Variants in PRDM5 observed in about 807,000 individuals in gnomAD.
PRDM5 encodes the protein PR domain zinc finger protein 5.
Under a neutral mutation model 81.2 loss-of-function variants are expected in PRDM5, and 56 were observed. The ratio of observed to expected loss-of-function variants is 0.69; its 90% CI spans 0.56 to 0.86. The LOEUF (loss-of-function observed/expected upper bound fraction) is 0.86, where lower values mean the gene tolerates loss of function less well. PRDM5 is among the 40% of genes least tolerant of loss of function. The pLI, the probability that PRDM5 is intolerant of heterozygous loss-of-function variation, is 0.00. For synonymous variants in PRDM5, 267 were observed against 256.4 expected, an observed-to-expected ratio of 1.04 and a Z score of -0.39; for missense variants, 697 against 770.1, an observed-to-expected ratio of 0.91 and a Z score of 1.12.
chr4:120,841,109 A>G (rs937435043), intron 3 of PRDM5, among the ~76,000 whole-genome samples: 1 of 152,166 alleles, frequency 6.6e-6, no homozygotes, highest in Non-Finnish European at 1.5e-5. Flanking sequence ...TTCTACGGTG[A>G]CTAAGACTCA....
chr4:120,884,083 A>C (rs781540013), intron 2 of PRDM5, among the ~76,000 whole-genome samples: 2 of 152,192 alleles, frequency 1.3e-5, no homozygotes, highest in Non-Finnish European at 2.9e-5. Flanking sequence ...AAATCTCTTC[A>C]TGACCACATA....
chr4:120,894,587 T>C (rs974982593), intron 2 of PRDM5, among the ~76,000 whole-genome samples: 1 of 152,244 alleles, frequency 6.6e-6, no homozygotes, highest in African/African-American at 2.4e-5. Flanking sequence ...ATCTCAAGTT[T>C]ATCTGTTCTG....
At chr4:120,922,385 G>T in intron 1 of PRDM5, 131 bp downstream of exon 1, 3 of 1,121,948 alleles carry the variant, frequency 2.7e-6, no homozygotes, top group South Asian at 8.8e-5. Context: ...TCCCACGGAC[G>T]CCTGGCCCGG....
At chr4:120,907,442 A>G (rs772006166) in intron 2 of PRDM5, 32 bp downstream of exon 2, 20 of 1,504,640 alleles carry the variant, frequency 1.3e-5, no homozygotes, top group East Asian at 2.3e-5. Flanking sequence ...ATACAAATAT[A>G]TTTTTAACAT....
intron 1 of PRDM5, among the ~76,000 whole-genome samples, chr4:120,913,602 C>A (rs549067609): frequency 6.6e-6 from 1 of 152,318 alleles, no homozygotes; most frequent in African/African-American, 2.4e-5. Context: ...CTGAATGCAA[C>A]ACCTTTCCCC....
chr4:120,745,718 C>A (rs1418912009), intron 14 of PRDM5, among the ~76,000 whole-genome samples: 2 of 141,742 alleles, frequency 1.4e-5, no homozygotes, highest in Non-Finnish European at 3.0e-5. Context: ...AGGAATCCAA[C>A]TTACAAGGGA....
rs1758190438 is a variant in PRDM5, at chr4:120,842,947, T to C, written c.300+10471A>G. 2.6e-5 allele frequency among the ~76,000 whole-genome samples: 4 copies of C among 152,350 alleles called. No homozygotes were observed. In the South Asian group the frequency reaches 8.3e-4, roughly 32 times the overall value. ...AGAATATATGAGCCCCATAAGGCTATAATTTCTAGGGACACAACTTTCTAA... is the reference window on the plus strand; with the variant it reads ...AGAATATATGAGCCCCATAAGGCTACAATTTCTAGGGACACAACTTTCTAA... On this transcript the variant is annotated intron_variant, in intron 3 of 15. Transcript: ENST00000264808.
chr4:120,922,715 G>C lies in PRDM5; in HGVS notation c.-107C>G, dbSNP rs1725130966. 1 of 1,444,974 alleles carries C rather than the reference G, an allele frequency of 6.9e-7. No homozygotes were observed. The highest frequency in any genetic ancestry group is 9.5e-7 in the Non-Finnish European group (1 of 1,056,498). The allele number at this position is 1,444,974 out of a possible 1,614,324, so 89.5% of individuals were successfully genotyped here. On this transcript the variant is annotated 5_prime_UTR_variant, in exon 1 of 16. Transcript: ENST00000264808. ...AGGGTAGAGGGGAGAAACCGGCAGG[G>C]AAGGAGGAAATGGAGTTTTCCTCCC...
chr4:120,810,988 C>T lies in PRDM5; in HGVS notation c.945+382G>A, dbSNP rs73843615. The stretch of plus-strand genomic sequence containing the variant: ...CAGAAACAAAAATTCATTTTACAAA[C>T]CATAACAAAAGTAAAATTTTATTTT... On this transcript the variant is annotated intron_variant, in intron 8 of 15. Coordinates refer to ENST00000264808, the MANE Select transcript of PRDM5 (RefSeq NM_018699.4). 4.1e-3 allele frequency among the ~76,000 whole-genome samples: 628 copies of T among 152,174 alleles called. 8 individuals carry two copies. Among genetic ancestry groups the T allele is most frequent in the African/African-American group, 0.014 (592 of 41,516 alleles).
At chr4:120,862,491 A>G (rs1579028151) in intron 2 of PRDM5, among the ~76,000 whole-genome samples, 1 of 152,220 alleles carries the variant, frequency 6.6e-6, no homozygotes, top group South Asian at 2.1e-4. Context: ...GAAAAGTAAG[A>G]GAGCAGAGAA....
chr4:120,686,893 C>T (rs902412350), intron 1 of PRDM5, among the ~76,000 whole-genome samples: 2 of 151,842 alleles, frequency 1.3e-5, no homozygotes, highest in African/African-American at 4.8e-5. Context: ...CAAAGGAGTA[C>T]TGAAAGAAGG....
intron 10 of PRDM5, among the ~76,000 whole-genome samples, chr4:120,787,452 A>G (rs1276677568): frequency 6.6e-6 from 1 of 152,214 alleles, no homozygotes; most frequent in African/African-American, 2.4e-5. Context: ...TTCACCTGAC[A>G]TTTAACAGGA....
At chr4:120,715,896 G>C (rs910452161) in intron 14 of PRDM5, among the ~76,000 whole-genome samples, 26 of 152,000 alleles carry the variant, frequency 1.7e-4, no homozygotes, top group Non-Finnish European at 3.7e-4. Context: ...TCAAGACCTG[G>C]GCACCAAAGA....
Position 120,811,152 on chromosome 4 carries a change from C to T in PRDM5, c.945+218G>A, listed in dbSNP as rs72921565. Among the ~76,000 whole-genome samples, 649 of 150,658 alleles carry T rather than the reference C, an allele frequency of 4.3e-3. 2 individuals are homozygous for T. The highest frequency in any genetic ancestry group is 0.015 in the African/African-American group (610 of 40,992). ...AAAATATAGTATGAATATATTGGAC[C>T]TTGTCATAACAAGAGCAAAAATTAA... On this transcript the variant is annotated intron_variant, in intron 8 of 15. Transcript: ENST00000264808.
At chr4:120,821,872 G>A (rs1442981671) in intron 3 of PRDM5, among the ~76,000 whole-genome samples, 5 of 151,394 alleles carry the variant, frequency 3.3e-5, no homozygotes, top group African/African-American at 1.2e-4. Flanking sequence ...GAAGTTCAAG[G>A]TGTTGATGGA....
rs1345023827 is a variant in PRDM5 at position 120,696,015 on chromosome 4, T to C, written c.1729-740A>G. 2.0e-5 allele frequency among the ~76,000 whole-genome samples: 3 copies of C among 151,970 alleles called. 1 individual carries two copies. Among genetic ancestry groups the C allele is most frequent in the South Asian group, 4.2e-4 (2 of 4,816 alleles). On this transcript the variant is annotated intron_variant, in intron 15 of 15. Transcript: ENST00000264808. ...AAAATACTGTAAAGAAAGCTGGAGT[T>C]TTAATTGAGGTTAGGCTTGGGAAAA...
chr4:120,822,097 A>T (rs1038582696), intron 3 of PRDM5, among the ~76,000 whole-genome samples: 4 of 152,224 alleles, frequency 2.6e-5, no homozygotes, highest in African/African-American at 9.6e-5. Context: ...TGCTACAAAG[A>T]ACCTTCTTTC....
Position 120,685,294 on chromosome 4 carries a change from A to C in PRDM5, n.104-269T>G, listed in dbSNP as rs547001968. The stretch of plus-strand genomic sequence containing the variant: ...GTTATTGATTAGATTAAGTTTTAAG[A>C]TAAGAGCTGGATATAGTTCAAACAT... On this transcript the variant is annotated intron_variant and non_coding_transcript_variant, in intron 1 of 1. Coordinates refer to the PRDM5 transcript ENST00000513741. 1.3e-4 allele frequency among the ~76,000 whole-genome samples: 20 copies of C among 152,234 alleles called. 1 individual carries two copies. In the South Asian group the frequency reaches 3.9e-3, roughly 30 times the overall value.
At chr4:120,698,010 T>C (rs945856550) in intron 15 of PRDM5, among the ~76,000 whole-genome samples, 4 of 151,780 alleles carry the variant, frequency 2.6e-5, no homozygotes, top group African/African-American at 9.7e-5. Context: ...TTAGCTGACA[T>C]TGGTTGGAAA....
Sources: allele counts gnomAD v4.1 joint callset (sites outside exome capture counted in the v4.1 genomes callset), GRCh38; gene constraint gnomAD v4.1.1; transcripts MANE v1.5; gene names NCBI Gene and HGNC (gene_info 2026-07-23, HGNC 2026-07-21).